The following ADAMTS18 variants were observed in gnomAD, a reference collection of about 807,000 sequenced individuals.
ADAMTS18 encodes A disintegrin and metalloproteinase with thrombospondin motifs 18.
A neutral mutation model predicts 165.9 loss-of-function variants in ADAMTS18; 157 were observed. That is an observed-to-expected ratio of 0.95 (90% CI 0.83 to 1.08). The LOEUF (loss-of-function observed/expected upper bound fraction) is 1.08, where lower values mean the gene tolerates loss of function less well. Ranked by LOEUF, ADAMTS18 falls within the 50% of genes least tolerant of loss-of-function variation. ADAMTS18 has a pLI of 0.00. For missense variants in ADAMTS18, 2,040 were observed against 1,534.0 expected (o/e 1.33, Z -5.51); for synonymous variants, 782 against 578.2 (o/e 1.35, Z -5.06).
At chr16:77,396,453 T>C (rs1368469008) in intron 3 of ADAMTS18, among the ~76,000 whole-genome samples, 1 of 152,224 alleles carries the variant, frequency 6.6e-6, no homozygotes, top group Non-Finnish European at 1.5e-5. Context: ...AGATACCATA[T>C]GGGTTATGAA....
chr16:77,286,643 G>A (rs545998274), intron 22 of ADAMTS18, among the ~76,000 whole-genome samples: 2 of 152,070 alleles, frequency 1.3e-5, no homozygotes, highest in South Asian at 2.1e-4. Flanking sequence ...ATGATTTTAG[G>A]GTCCTTGCTC....
At chr16:77,429,278 T>C (rs1173182037) in intron 3 of ADAMTS18, among the ~76,000 whole-genome samples, 1 of 152,156 alleles carries the variant, frequency 6.6e-6, no homozygotes, top group African/African-American at 2.4e-5. Context: ...AGATCAGGTC[T>C]TTTGCAGGAA....
At chr16:77,302,004 CTTT>C (rs4038557) in intron 16 of ADAMTS18, among the ~76,000 whole-genome samples, 60,862 of 128,716 alleles carry the variant, frequency 0.47, 15,671 homozygotes, top group Middle Eastern at 0.66. Context: ...CTAGTCTTTG[CTTT>C]TTTTTTTTTT....
In ADAMTS18 at chr16:77,367,205, G is replaced by A. The variant is rs145239431; in HGVS notation, c.778+236C>T. On this transcript the variant is annotated intron_variant, in intron 4 of 22. Coordinates refer to ENST00000282849, the MANE Select transcript of ADAMTS18 (RefSeq NM_199355.4). ...AAATCAAGACTGGGACCTATGGCAT[G>A]AAAGTAGGAGATACTAAAAGAGTAA... Among the ~76,000 whole-genome samples, 1,389 of 152,280 alleles carry A rather than the reference G, an allele frequency of 9.1e-3. 6 individuals are homozygous for A. The highest frequency in any genetic ancestry group is 0.02 in the Middle Eastern group (6 of 294).
At chr16:77,315,793 C>G (rs749078466) in intron 16 of ADAMTS18, among the ~76,000 whole-genome samples, 20 of 152,204 alleles carry the variant, frequency 1.3e-4, no homozygotes, top group Non-Finnish European at 2.8e-4. Flanking sequence ...CTATACTACA[C>G]TTTAGGTATT....
At chr16:77,326,080 G>A (rs1045493586) in intron 12 of ADAMTS18, 42 bp from the exon 13 acceptor site, 3 of 1,581,784 alleles carry the variant, frequency 1.9e-6, no homozygotes, top group Non-Finnish European at 2.6e-6. Context: ...GTAATCAAAG[G>A]GCTCATTATT....
rs1205557256 is a variant in ADAMTS18 at position 77,363,868 on chromosome 16, T to C, written c.990A>G (p.Lys330=). Residue 330 remains lysine (K), a synonymous_variant, in exon 6 of 23, where the codon AAA becomes AAG. Transcript: ENST00000282849. ...TTATGTCACTTCCAATAGTCCCATC[T>C]TTAAATAGGCCAGAAACCTGTTGGA... The part of the protein sequence containing the change: ...TVMNMVSGLF[K]DGTIGSDINV... 6.2e-7 allele frequency: 1 copy of C among 1,614,032 alleles called. No individual in the cohort carries two copies. Among genetic ancestry groups the C allele is most frequent in the Non-Finnish European group, 8.5e-7 (1 of 1,179,984 alleles).
chr16:77,344,199 T>C lies in ADAMTS18; in HGVS notation c.1615-2400A>G, dbSNP rs116307452. On this transcript the variant is annotated intron_variant, in intron 10 of 22. Coordinates refer to ENST00000282849, the MANE Select transcript of ADAMTS18 (RefSeq NM_199355.4). Reference sequence around the variant, plus strand: ...TATACACATACAGTAATTTTGGTCTTGTAGACCATAAAATTCTTCCCCTAA... The same window carrying C: ...TATACACATACAGTAATTTTGGTCTCGTAGACCATAAAATTCTTCCCCTAA... Among the ~76,000 whole-genome samples the C allele has an allele frequency of 9.9e-3, 1,486 of 150,692 alleles. 29 individuals are homozygous for C. Among genetic ancestry groups the C allele is most frequent in the African/African-American group, 0.035 (1,419 of 41,040 alleles).
intron 8 of ADAMTS18, 64 bp downstream of exon 8, chr16:77,359,246 AACGGTTAG>A: frequency 7.5e-7 from 1 of 1,325,860 alleles, no homozygotes; most frequent in Non-Finnish European, 1.1e-6. Context: ...AGTCAACAAC[AACGGTTAG>A]AGGAACACCA....
chr16:77,302,758 A>G (rs1472583808), intron 16 of ADAMTS18, among the ~76,000 whole-genome samples: 1 of 152,216 alleles, frequency 6.6e-6, no homozygotes, highest in East Asian at 1.9e-4. Flanking sequence ...TTCAACAGAC[A>G]TTTGAAATAT....
At chr16:77,366,514 G>A (rs185929896) in intron 4 of ADAMTS18, among the ~76,000 whole-genome samples, 11 of 152,240 alleles carry the variant, frequency 7.2e-5, no homozygotes, top group South Asian at 2.1e-4. Flanking sequence ...AGCAGAGATC[G>A]CGCCACTTCA....
At chr16:77,373,120 G>A (rs746032972) in intron 3 of ADAMTS18, among the ~76,000 whole-genome samples, 181 of 151,866 alleles carry the variant, frequency 1.2e-3, no homozygotes, top group Non-Finnish European at 1.8e-3. Flanking sequence ...AATTCACTTG[G>A]CTTTCTGGTG....
At chr16:77,384,458 G>A (rs2057077093) in intron 3 of ADAMTS18, among the ~76,000 whole-genome samples, 1 of 152,150 alleles carries the variant, frequency 6.6e-6, no homozygotes, top group African/African-American at 2.4e-5. Context: ...GAAGGTACTG[G>A]CGTGACACTC....
At chr16:77,364,153 T>C (rs1480981465) in intron 5 of ADAMTS18, 35 bp downstream of exon 5, 7 of 1,613,346 alleles carry the variant, frequency 4.3e-6, no homozygotes, top group Non-Finnish European at 5.1e-6. Context: ...TTATTTTCTT[T>C]GGAGAGCCAG....
At chr16:77,383,559 T>TTGG (rs1005950308) in intron 3 of ADAMTS18, among the ~76,000 whole-genome samples, 1 of 152,004 alleles carries the variant, frequency 6.6e-6, no homozygotes, top group African/African-American at 2.4e-5. Context: ...GTTGTTGTTG[T>TTGG]TGGAGACAGA....
intron 16 of ADAMTS18, among the ~76,000 whole-genome samples, chr16:77,305,130 T>C (rs563879607): frequency 6.6e-6 from 1 of 152,064 alleles, no homozygotes; most frequent in East Asian, 1.9e-4. Flanking sequence ...AAGACAAATA[T>C]ATAAAAGATA....
At chr16:77,406,602 T>C (rs1278306482) in intron 3 of ADAMTS18, among the ~76,000 whole-genome samples, 1 of 152,000 alleles carries the variant, frequency 6.6e-6, no homozygotes, top group Non-Finnish European at 1.5e-5. Flanking sequence ...ATTTATAACA[T>C]TACCAGGTAT....
At chr16:77,362,053 A>G in intron 7 of ADAMTS18, 52 bp downstream of exon 7, 2 of 1,601,944 alleles carry the variant, frequency 1.2e-6, no homozygotes, top group Non-Finnish European at 1.7e-6. Context: ...GAAAGTTTCC[A>G]TACTGTGTTT....
chr16:77,350,415 G>C (rs2056539195), intron 10 of ADAMTS18, among the ~76,000 whole-genome samples: 1 of 152,132 alleles, frequency 6.6e-6, no homozygotes, highest in Non-Finnish European at 1.5e-5. Flanking sequence ...ACATAAGGAA[G>C]AGAGTTAGAA....
Sources: gnomAD v4.1 joint callset for allele counts (sites outside exome capture counted in the v4.1 genomes callset) on GRCh38, gnomAD v4.1.1 for gene constraint, MANE v1.5 for transcripts, NCBI Gene and HGNC (gene_info 2026-07-23, HGNC 2026-07-21) for gene names.